Variants in GPC6 observed in about 807,000 individuals in gnomAD.
The protein encoded by GPC6 is glypican 6, also known as glypican-6.
A neutral mutation model predicts 55.2 loss-of-function variants in GPC6; 14 were observed. The ratio of observed to expected loss-of-function variants is 0.25; its 90% CI spans 0.17 to 0.40. The LOEUF is 0.40. Ranked by LOEUF, GPC6 falls within the 10% of genes least tolerant of loss-of-function variation. The probability of loss-of-function intolerance (pLI) is 1.00; values close to 1 mark genes in which losing one functional copy is unlikely to be tolerated. For synonymous variants in GPC6, 278 were observed against 259.6 expected, an observed-to-expected ratio of 1.07 and a Z score of -0.68; for missense variants, 641 against 708.5, an observed-to-expected ratio of 0.90 and a Z score of 1.08.
Position 93,830,442 on chromosome 13 carries a change from T to A in GPC6, c.608T>A (p.Val203Glu), listed in dbSNP as rs765181524. 6.2e-7 allele frequency: 1 copy of A among 1,613,900 alleles called. No individual in the cohort carries two copies. Among genetic ancestry groups the A allele is most frequent in the Non-Finnish European group, 8.5e-7 (1 of 1,179,926 alleles). ...YTDQLKPFGD[V>E]PRKLKIQVTR... ...GACCAGCTCAAGCCATTTGGAGACG[T>A]GCCCCGGAAACTGAAGATTCAGGTT... The change falls in exon 3 of 9, where the codon GTG (valine) becomes GAG (glutamate). Residue 203 changes from valine (V) to glutamate (E), a missense_variant. Physicochemically the swap from Val to Glu is moderately radical, Grantham distance 121. Transcript: ENST00000377047.
At chr13:93,276,120 C>T (rs1160683642) in intron 1 of GPC6, among the ~76,000 whole-genome samples, 3 of 152,148 alleles carry the variant, frequency 2.0e-5, no homozygotes, top group Non-Finnish European at 4.4e-5. Flanking sequence ...GTGATCCACT[C>T]GCCTCGGCCT....
intron 3 of GPC6, among the ~76,000 whole-genome samples, chr13:93,941,557 T>C (rs925659949): frequency 1.3e-5 from 2 of 152,214 alleles, no homozygotes; most frequent in Non-Finnish European, 2.9e-5. Context: ...GTAGATTTTA[T>C]TTATATTTTC....
chr13:93,608,962 A>T (rs78857837), intron 2 of GPC6, among the ~76,000 whole-genome samples: 1 of 152,188 alleles, frequency 6.6e-6, no homozygotes, highest in South Asian at 2.1e-4. Flanking sequence ...TATGAATAAG[A>T]TGCTATGGTC....
At chr13:93,915,435 A>G (rs1566601334) in intron 3 of GPC6, among the ~76,000 whole-genome samples, 3 of 152,194 alleles carry the variant, frequency 2.0e-5, no homozygotes, top group Admixed American at 2.0e-4. Context: ...CTGCCTTGCC[A>G]GCCCCCCTGT....
intron 2 of GPC6, among the ~76,000 whole-genome samples, chr13:93,704,855 C>CTTGTAATG (rs1882792062): frequency 6.6e-6 from 1 of 151,944 alleles, no homozygotes; most frequent in Middle Eastern, 3.2e-3. Context: ...CTGGTTGGAT[C>CTTGTAATG]TTGTAATGAC....
At chr13:93,292,208 G>A (rs1011025081) in intron 1 of GPC6, among the ~76,000 whole-genome samples, 1 of 152,130 alleles carries the variant, frequency 6.6e-6, no homozygotes, top group Non-Finnish European at 1.5e-5. Flanking sequence ...TATGAAGAGG[G>A]TGGAAATTGA....
chr13:93,907,251 T>A (rs1876722665), intron 3 of GPC6, among the ~76,000 whole-genome samples: 1 of 152,136 alleles, frequency 6.6e-6, no homozygotes, highest in Admixed American at 6.6e-5. Context: ...TAATAAAATT[T>A]AACAACCAAA....
intron 2 of GPC6, among the ~76,000 whole-genome samples, chr13:93,672,220 T>TC (rs1442355331): frequency 6.6e-6 from 1 of 150,694 alleles, no homozygotes; most frequent in Non-Finnish European, 1.5e-5. Context: ...TGTATATGTG[T>TC]GTGTGTGTGT....
intron 3 of GPC6, among the ~76,000 whole-genome samples, chr13:93,848,870 C>G (rs1183870723): frequency 6.6e-6 from 1 of 152,140 alleles, no homozygotes; most frequent in Non-Finnish European, 1.5e-5. Context: ...TCTCCCCTTT[C>G]TTTCAAACCC....
intron 1 of GPC6, among the ~76,000 whole-genome samples, chr13:93,495,658 T>C (rs1223043354): frequency 8.7e-6 from 1 of 115,108 alleles, no homozygotes; most frequent in African/African-American, 3.3e-5. Flanking sequence ...TGTGGTTTTA[T>C]CTACTTTTGG....
chr13:93,958,931 G>A (rs770857486), intron 3 of GPC6, among the ~76,000 whole-genome samples: 4 of 151,972 alleles, frequency 2.6e-5, no homozygotes, highest in Non-Finnish European at 4.4e-5. Flanking sequence ...CAGTTTCTTC[G>A]TGGCTATTGT....
intron 3 of GPC6, among the ~76,000 whole-genome samples, chr13:93,861,234 A>C (rs760200793): frequency 2.0e-5 from 3 of 151,000 alleles, no homozygotes; most frequent in Non-Finnish European, 3.0e-5. Flanking sequence ...AAAAAAAAGA[A>C]CTCTTTTGTA....
At chr13:94,045,008 T>C (rs1883678654) in intron 4 of GPC6, among the ~76,000 whole-genome samples, 1 of 151,856 alleles carries the variant, frequency 6.6e-6, no homozygotes. Context: ...AGATATATAT[T>C]TGTGAATAGC....
In GPC6 at chr13:93,406,296, G is replaced by A. The variant is rs570738801; in HGVS notation, c.161-138967G>A. Among the ~76,000 whole-genome samples, 9 of 152,198 alleles carry A rather than the reference G, an allele frequency of 5.9e-5. No individual in the cohort carries two copies. In the South Asian group the frequency reaches 1.9e-3, roughly 32 times the overall value. ...CAGCCTTAGAATCCTTTTAAATACA[G>A]TGCTCCAGGCAGCCACCACAAATCA... On this transcript the variant is annotated intron_variant, in intron 1 of 8. Coordinates refer to ENST00000377047, the MANE Select transcript of GPC6 (RefSeq NM_005708.5).
rs375157817 is a variant in GPC6, at chr13:94,125,388, G to A, written c.877+97494G>A. On this transcript the variant is annotated intron_variant, in intron 4 of 8. Coordinates refer to ENST00000377047, the MANE Select transcript of GPC6 (RefSeq NM_005708.5). ...CTCGTCTTATGATCCTATGAAAGGT[G>A]CCATGTGCATTTTTTTTCCCAGACT... 1.4e-3 allele frequency among the ~76,000 whole-genome samples: 208 copies of A among 152,072 alleles called. 3 individuals are homozygous for A. In the South Asian group the frequency reaches 0.038, roughly 28 times the overall value.
intron 1 of GPC6, among the ~76,000 whole-genome samples, chr13:93,537,710 T>G (rs1882115064): frequency 6.6e-6 from 1 of 152,174 alleles, no homozygotes; most frequent in Admixed American, 6.6e-5. Flanking sequence ...AGCTCTGAGC[T>G]AAACCTTTTC....
intron 6 of GPC6, among the ~76,000 whole-genome samples, chr13:94,372,336 G>A (rs1003414431): frequency 2.6e-5 from 4 of 152,186 alleles, no homozygotes; most frequent in Non-Finnish European, 5.9e-5. Context: ...CAGACAGTGG[G>A]CGCAGGTCAG....
intron 4 of GPC6, among the ~76,000 whole-genome samples, chr13:94,166,424 A>G (rs1366014421): frequency 6.6e-6 from 1 of 152,142 alleles, no homozygotes; most frequent in Non-Finnish European, 1.5e-5. Flanking sequence ...TTGCAAACCC[A>G]TTCATGTTGC....
chr13:93,532,467 A>G (rs1269594708), intron 1 of GPC6, among the ~76,000 whole-genome samples: 1 of 152,222 alleles, frequency 6.6e-6, no homozygotes, highest in Non-Finnish European at 1.5e-5. Context: ...AACAGGCAGA[A>G]ACTTCCTTTA....
Sources: allele counts gnomAD v4.1 joint callset (sites outside exome capture counted in the v4.1 genomes callset), GRCh38; gene constraint gnomAD v4.1.1; transcripts MANE v1.5; gene names NCBI Gene and HGNC (gene_info 2026-07-23, HGNC 2026-07-21).